The following PTPRD variants were observed in gnomAD, a reference collection of about 807,000 sequenced individuals.
PTPRD encodes receptor-type tyrosine-protein phosphatase delta.
A neutral mutation model predicts 214.5 loss-of-function variants in PTPRD; 34 were observed. That is an observed-to-expected ratio of 0.16 (90% CI 0.12 to 0.21). The LOEUF is 0.21. PTPRD is among the 10% of genes least tolerant of loss of function. The pLI is 1.00. For missense variants in PTPRD, 2,545 were observed against 2,398.7 expected, an observed-to-expected ratio of 1.06 and a Z score of -1.27; for synonymous variants, 1,128 against 845.7, an observed-to-expected ratio of 1.33 and a Z score of -5.79.
intron 9 of PTPRD, among the ~76,000 whole-genome samples, chr9:9,302,582 G>A (rs1303898460): frequency 1.0e-5 from 1 of 100,036 alleles, no homozygotes; most frequent in Non-Finnish European, 2.1e-5. Flanking sequence ...ACCACATCAT[G>A]TTTTGTAGTT....
At chr9:9,098,591 A>C (rs180795786) in intron 10 of PTPRD, among the ~76,000 whole-genome samples, 3 of 152,150 alleles carry the variant, frequency 2.0e-5, no homozygotes, top group African/African-American at 7.2e-5. Context: ...TTATTATTAC[A>C]ATTTGAGTGT....
intron 5 of PTPRD, among the ~76,000 whole-genome samples, chr9:9,800,134 T>C (rs1382471932): frequency 7.9e-5 from 12 of 152,188 alleles, no homozygotes; most frequent in Admixed American, 7.9e-4. Flanking sequence ...AAGTCCTGCA[T>C]ACCACACTCT....
At chr9:9,030,276 C>CTTTTTTTTTTTTTTTTT (rs71317396) in intron 10 of PTPRD, among the ~76,000 whole-genome samples, 1 of 37,928 alleles carries the variant, frequency 2.6e-5, no homozygotes, top group African/African-American at 1.1e-4. Flanking sequence ...CACACTTGGG[C>CTTTTTTTTTTTTTTTTT]TTTTTTTTTT....
intron 4 of PTPRD, among the ~76,000 whole-genome samples, chr9:9,972,249 A>G (rs557549305): frequency 2.0e-5 from 3 of 152,270 alleles, no homozygotes; most frequent in Non-Finnish European, 2.9e-5. Context: ...TAGCAAACAT[A>G]CAGTGTTTAA....
intron 9 of PTPRD, among the ~76,000 whole-genome samples, chr9:9,307,740 A>T (rs985092140): frequency 6.6e-6 from 1 of 152,216 alleles, no homozygotes; most frequent in Non-Finnish European, 1.5e-5. Flanking sequence ...TAACTTTCAG[A>T]TTAAAATTCA....
chr9:10,381,238 T>A (rs2097819012), intron 2 of PTPRD, among the ~76,000 whole-genome samples: 1 of 152,008 alleles, frequency 6.6e-6, no homozygotes, highest in South Asian at 2.1e-4. Context: ...AAATTTTATC[T>A]TTTCTTTAGT....
At chr9:9,225,288 A>G (rs2099958698) in intron 9 of PTPRD, among the ~76,000 whole-genome samples, 1 of 152,034 alleles carries the variant, frequency 6.6e-6, no homozygotes, top group Non-Finnish European at 1.5e-5. Context: ...AGCATTAGGT[A>G]AATATGTCAT....
intron 5 of PTPRD, among the ~76,000 whole-genome samples, chr9:9,796,439 C>T (rs984493989): frequency 6.6e-6 from 1 of 152,036 alleles, no homozygotes. Flanking sequence ...GAAATGATGG[C>T]TCTGATGTTC....
At chr9:9,167,340 G>T (rs1282243653) in intron 10 of PTPRD, among the ~76,000 whole-genome samples, 1 of 151,634 alleles carries the variant, frequency 6.6e-6, no homozygotes, top group Non-Finnish European at 1.5e-5. Flanking sequence ...GTGTGTGTGT[G>T]TGTGTGTGTG....
In PTPRD at chr9:8,633,399, C is replaced by T. The variant is rs2096314931; in HGVS notation, c.270G>A (p.Pro90=). The part of the protein sequence containing the change: ...SVLRIQPLRT[P]RDEAIYECVA... ...CACATTCATAAATGGCCTCATCCCTCGGAGTCCGTAAGGGTTGTATTCTGA... is the reference window on the plus strand; with the variant it reads ...CACATTCATAAATGGCCTCATCCCTTGGAGTCCGTAAGGGTTGTATTCTGA... Residue 90 remains proline, a synonymous_variant, in exon 14 of 46, where the codon CCG becomes CCA. Coordinates refer to ENST00000381196, the MANE Select transcript of PTPRD (RefSeq NM_002839.4). 3.1e-6 allele frequency: 5 copies of T among 1,612,858 alleles called. No homozygotes were observed. Among genetic ancestry groups the T allele is most frequent in the Non-Finnish European group, 1.7e-6 (2 of 1,179,132 alleles).
At chr9:10,125,271 T>C (rs1211883396) in intron 3 of PTPRD, among the ~76,000 whole-genome samples, 1 of 152,014 alleles carries the variant, frequency 6.6e-6, no homozygotes, top group African/African-American at 2.4e-5. Flanking sequence ...TCCACATTAT[T>C]GCCTCATACT....
intron 8 of PTPRD, among the ~76,000 whole-genome samples, chr9:9,559,157 C>T (rs1244236560): frequency 6.6e-6 from 1 of 152,160 alleles, no homozygotes; most frequent in East Asian, 1.9e-4. Context: ...TTACTAACTG[C>T]TTCCCAGTCT....
chr9:9,340,695 T>C (rs769347321), intron 9 of PTPRD, among the ~76,000 whole-genome samples: 2 of 152,228 alleles, frequency 1.3e-5, no homozygotes, highest in Non-Finnish European at 2.9e-5. Context: ...TTGGACATGC[T>C]GTTGGAAAAC....
At chr9:9,267,783 C>A (rs1940718520) in intron 9 of PTPRD, among the ~76,000 whole-genome samples, 1 of 143,190 alleles carries the variant, frequency 7.0e-6, no homozygotes, top group Non-Finnish European at 1.6e-5. Context: ...AAAATCATAT[C>A]ATTTCAATAG....
At chr9:9,935,710 G>A (rs1329651907) in intron 5 of PTPRD, among the ~76,000 whole-genome samples, 1 of 142,258 alleles carries the variant, frequency 7.0e-6, no homozygotes, top group East Asian at 2.0e-4. Context: ...TTTCTTCACA[G>A]AATTGGAAAA....
chr9:8,891,842 C>T (rs1295765048), intron 11 of PTPRD, among the ~76,000 whole-genome samples: 1 of 152,144 alleles, frequency 6.6e-6, no homozygotes, highest in Non-Finnish European at 1.5e-5. Flanking sequence ...CCTTGGGAAT[C>T]CCAGCAGTCG....
chr9:10,581,989 A>G (rs1385875505), intron 2 of PTPRD, among the ~76,000 whole-genome samples: 4 of 152,184 alleles, frequency 2.6e-5, no homozygotes, highest in Non-Finnish European at 5.9e-5. Context: ...CTATTCAAGG[A>G]TTCCTGAATT....
chr9:8,775,433 T>C (rs188168056), intron 11 of PTPRD, among the ~76,000 whole-genome samples: 1 of 152,024 alleles, frequency 6.6e-6, no homozygotes, highest in Non-Finnish European at 1.5e-5. Flanking sequence ...GCATAATATG[T>C]AGAGCAAAGC....
rs576604189 is a variant in PTPRD at position 8,887,951 on chromosome 9, C to T, written c.-104+130746G>A. Among the ~76,000 whole-genome samples, 8 of 152,270 alleles carry T rather than the reference C, an allele frequency of 5.3e-5. No homozygotes were observed. The South Asian group carries it at 1.7e-3, about 32-fold the overall frequency. On this transcript the variant is annotated intron_variant, in intron 11 of 45. Transcript: ENST00000381196. ...CTCAATTCTTGGAAAACCACAGCTT[C>T]CAGTGCATTTAACATGAAACACATT... is the stretch of plus-strand genomic sequence containing the variant.
Sources: gnomAD v4.1 joint callset for allele counts (sites outside exome capture counted in the v4.1 genomes callset) on GRCh38, gnomAD v4.1.1 for gene constraint, MANE v1.5 for transcripts, NCBI Gene and HGNC (gene_info 2026-07-23, HGNC 2026-07-21) for gene names.